The following UNC5D variants were observed in gnomAD, a reference collection of about 807,000 sequenced individuals.
The protein encoded by UNC5D is unc-5 netrin receptor D, also known as netrin receptor UNC5D.
A neutral mutation model predicts 105.4 loss-of-function variants in UNC5D; 39 were observed. That is an observed-to-expected ratio of 0.37 (90% CI 0.29 to 0.48). The LOEUF (loss-of-function observed/expected upper bound fraction) is 0.48. UNC5D is among the 20% of genes least tolerant of loss of function. UNC5D has a pLI of 0.98. For missense variants in UNC5D, 991 were observed against 1,202.4 expected, an observed-to-expected ratio of 0.82 and a Z score of 2.60; for synonymous variants, 452 against 450.4, an observed-to-expected ratio of 1.00 and a Z score of -0.04.
At chr8:35,758,596 C>A (rs1212078991) in intron 13 of UNC5D, among the ~76,000 whole-genome samples, 7 of 152,110 alleles carry the variant, frequency 4.6e-5, no homozygotes, top group African/African-American at 1.7e-4. Flanking sequence ...TCTAATGCCA[C>A]AAATTTGGAA....
intron 11 of UNC5D, among the ~76,000 whole-genome samples, chr8:35,738,589 T>C (rs1829593795): frequency 6.6e-6 from 1 of 152,218 alleles, no homozygotes; most frequent in Non-Finnish European, 1.5e-5. Context: ...AAGAGCCTCA[T>C]GAAGATACAG....
At chr8:35,587,993 T>TATATATATATATATATATATAC (rs1376973554) in intron 3 of UNC5D, among the ~76,000 whole-genome samples, 1 of 141,200 alleles carries the variant, frequency 7.1e-6, no homozygotes, top group African/African-American at 2.6e-5. Flanking sequence ...TATATATATA[T>TATATATATATATATATATATAC]ACTAATCCCA....
intron 4 of UNC5D, among the ~76,000 whole-genome samples, chr8:35,634,030 AC>A (rs992629143): frequency 6.6e-6 from 1 of 152,236 alleles, no homozygotes; most frequent in Non-Finnish European, 1.5e-5. Flanking sequence ...GTAAAACCAA[AC>A]CAAATAAAAA....
chr8:35,235,920 G>C, intron 1 of UNC5D, 33 bp downstream of exon 1: 1 of 1,224,394 alleles, frequency 8.2e-7, no homozygotes. Context: ...AGCTGGGGGC[G>C]AGGGCGCAGG....
intron 2 of UNC5D, among the ~76,000 whole-genome samples, chr8:35,552,429 A>G (rs1331898456): frequency 6.6e-6 from 1 of 152,214 alleles, no homozygotes; most frequent in African/African-American, 2.4e-5. Flanking sequence ...GGATGGATTG[A>G]AGTACATGGC....
intron 4 of UNC5D, among the ~76,000 whole-genome samples, chr8:35,667,526 G>T (rs1045814960): frequency 6.6e-6 from 1 of 152,114 alleles, no homozygotes; most frequent in African/African-American, 2.4e-5. Flanking sequence ...AACTACAAAG[G>T]GGCCAGGAAA....
In UNC5D at chr8:35,709,514, A is replaced by C. The variant is rs550259886; in HGVS notation, c.1117+3553A>C. 4.0e-5 allele frequency among the ~76,000 whole-genome samples: 6 copies of C among 151,824 alleles called. No individual in the cohort carries two copies. The East Asian group carries it at 1.2e-3, about 30-fold the overall frequency. On this transcript the variant is annotated intron_variant, in intron 8 of 16. Transcript: ENST00000404895. ...AGACCAGCCTGGTCAACATGGTGAAACCTCACCTCTACTAAAAATACAAAT... is the reference window on the plus strand; with the variant it reads ...AGACCAGCCTGGTCAACATGGTGAACCCTCACCTCTACTAAAAATACAAAT...
At chr8:35,760,350 G>A (rs893820666) in intron 14 of UNC5D, among the ~76,000 whole-genome samples, 3 of 151,692 alleles carry the variant, frequency 2.0e-5, no homozygotes, top group Non-Finnish European at 2.9e-5. Flanking sequence ...GCCAGAACAC[G>A]CCTTTCTTAA....
At chr8:35,556,088 T>C (rs78601791) in intron 2 of UNC5D, among the ~76,000 whole-genome samples, 19,187 of 151,996 alleles carry the variant, frequency 0.13, 1,486 homozygotes, top group East Asian at 0.24. Flanking sequence ...GCAGTGATAA[T>C]TGCATCCACA....
rs1411903943 is a variant in UNC5D, at chr8:35,365,704, C to G, written c.103+129817C>G. Among the ~76,000 whole-genome samples, 3 of 151,032 alleles carry G rather than the reference C, an allele frequency of 2.0e-5. No individual in the cohort carries two copies. The East Asian group carries it at 5.8e-4, about 29-fold the overall frequency. ...TGGCAGGTATAATTTCTGTAGATAC[C>G]AGGTACCAGGGGAAATGGGGAAGGG... On this transcript the variant is annotated intron_variant, in intron 1 of 16. Coordinates refer to ENST00000404895, the MANE Select transcript of UNC5D (RefSeq NM_080872.4).
intron 1 of UNC5D, among the ~76,000 whole-genome samples, chr8:35,400,804 TAAG>T (rs1804410886): frequency 6.6e-6 from 1 of 152,206 alleles, no homozygotes; most frequent in Non-Finnish European, 1.5e-5. Flanking sequence ...TGGGGAACAG[TAAG>T]AGAAGTGGGA....
At chr8:35,271,771 T>TTTATACATGTATACATTTA in intron 1 of UNC5D, among the ~76,000 whole-genome samples, 1 of 135,298 alleles carries the variant, frequency 7.4e-6, no homozygotes, top group Admixed American at 7.1e-5. Context: ...ATACATATAT[T>TTTATACATGTATACATTTA]TACATAGGCA....
At chr8:35,552,904 G>A (rs1816270770) in intron 2 of UNC5D, among the ~76,000 whole-genome samples, 1 of 152,084 alleles carries the variant, frequency 6.6e-6, no homozygotes, top group African/African-American at 2.4e-5. Flanking sequence ...TAAGCAAAAG[G>A]CTACAAAACA....
At chr8:35,509,739 C>T (rs147351110) in intron 1 of UNC5D, among the ~76,000 whole-genome samples, 266 of 151,952 alleles carry the variant, frequency 1.8e-3, no homozygotes, top group African/African-American at 6.0e-3. Flanking sequence ...GGCAGATTCT[C>T]CAGCAGACAC....
intron 4 of UNC5D, among the ~76,000 whole-genome samples, chr8:35,657,062 GTGTGTGTGTGTGTGTGTGTATATATATA>G (rs1264077203): frequency 1.0e-4 from 10 of 97,222 alleles, no homozygotes; most frequent in Admixed American, 2.1e-4. Context: ...GTGTGTGTGT[GTGTGTGTGTGTGTGTGTGTATATATATA>G]TATATATATA....
chr8:35,253,853 T>C (rs969665645), intron 1 of UNC5D, among the ~76,000 whole-genome samples: 1 of 152,174 alleles, frequency 6.6e-6, no homozygotes, highest in Non-Finnish European at 1.5e-5. Context: ...TTCTTCTTTC[T>C]CTAATGATCT....
At chr8:35,373,963 G>A (rs2128927051) in intron 1 of UNC5D, among the ~76,000 whole-genome samples, 1 of 152,218 alleles carries the variant, frequency 6.6e-6, no homozygotes, top group Non-Finnish European at 1.5e-5. Flanking sequence ...TCATCTTCAG[G>A]GAAGGGAGCG....
chr8:35,466,156 T>G (rs1423507683), intron 1 of UNC5D, among the ~76,000 whole-genome samples: 1 of 152,142 alleles, frequency 6.6e-6, no homozygotes, highest in Non-Finnish European at 1.5e-5. Flanking sequence ...ACTCCTACCT[T>G]CATGCTTTTT....
At chr8:35,753,569 A>AT (rs1830385632) in intron 13 of UNC5D, among the ~76,000 whole-genome samples, 2 of 152,188 alleles carry the variant, frequency 1.3e-5, no homozygotes, top group Admixed American at 6.5e-5. Flanking sequence ...TATTTCTTAA[A>AT]TTAGTAAAAC....
Sources: gnomAD v4.1 joint callset for allele counts (sites outside exome capture counted in the v4.1 genomes callset) on GRCh38, gnomAD v4.1.1 for gene constraint, MANE v1.5 for transcripts, NCBI Gene and HGNC (gene_info 2026-07-23, HGNC 2026-07-21) for gene names.